DCDC1: variants seen among roughly 807,000 people sequenced by gnomAD.
DCDC1 encodes the protein doublecortin domain containing 1, also known as doublecortin domain-containing protein 1.
A neutral mutation model predicts 178.3 loss-of-function variants in DCDC1; 200 were observed. The observed-to-expected ratio is 1.12, with a 90% confidence interval of 1.00 to 1.26. The LOEUF (loss-of-function observed/expected upper bound fraction) is 1.26. Among genes scored for constraint, DCDC1 ranks in the 50% most tolerant of loss-of-function variants. The pLI is 0.00. For synonymous variants in DCDC1, 690 were observed against 604.8 expected, an observed-to-expected ratio of 1.14 and a Z score of -2.07; for missense variants, 1,983 against 1,749.2, an observed-to-expected ratio of 1.13 and a Z score of -2.38.
At chr11:31,327,888 C>T (rs753926859) in intron 3 of DCDC1, among the ~76,000 whole-genome samples, 20 of 151,820 alleles carry the variant, frequency 1.3e-4, no homozygotes, top group Non-Finnish European at 2.1e-4. Context: ...TGACCATGTC[C>T]GGCTAATTTT....
intron 8 of DCDC1, among the ~76,000 whole-genome samples, chr11:31,249,701 C>T (rs1233371929): frequency 2.0e-5 from 3 of 152,060 alleles, no homozygotes; most frequent in Non-Finnish European, 2.9e-5. Flanking sequence ...TTAATTATTG[C>T]CAGCACTTAG....
At chr11:31,070,150 AC>A (rs1336532052) in intron 18 of DCDC1, among the ~76,000 whole-genome samples, 1 of 152,146 alleles carries the variant, frequency 6.6e-6, no homozygotes, top group Non-Finnish European at 1.5e-5. Flanking sequence ...ATACTTTAAT[AC>A]CACAGTTATT....
At chr11:31,277,393 A>C (rs1040742745) in intron 7 of DCDC1, among the ~76,000 whole-genome samples, 7 of 152,154 alleles carry the variant, frequency 4.6e-5, no homozygotes, top group Admixed American at 1.3e-4. Flanking sequence ...ACATTCACTT[A>C]GAAGTTTTTG....
chr11:31,099,801 C>A (rs1229153322), intron 15 of DCDC1, among the ~76,000 whole-genome samples: 1 of 151,352 alleles, frequency 6.6e-6, no homozygotes, highest in Admixed American at 6.6e-5. Context: ...TCACTACAAC[C>A]TCTGCTTCCC....
chr11:31,128,414 A>G (rs185474375), intron 10 of DCDC1, among the ~76,000 whole-genome samples: 95 of 152,234 alleles, frequency 6.2e-4, no homozygotes, highest in African/African-American at 2.2e-3. Context: ...TTTCACCCAT[A>G]TAGTTTACAA....
intron 20 of DCDC1, among the ~76,000 whole-genome samples, chr11:31,019,178 T>A (rs1038703341): frequency 2.6e-5 from 4 of 152,088 alleles, no homozygotes; most frequent in African/African-American, 9.7e-5. Flanking sequence ...CTCAGTGGGT[T>A]TTGCAGTTTT....
intron 38 of DCDC1, among the ~76,000 whole-genome samples, chr11:30,872,253 T>G (rs1941654222): frequency 6.6e-6 from 1 of 152,058 alleles, no homozygotes; most frequent in Non-Finnish European, 1.5e-5. Flanking sequence ...TGTTGTTTTG[T>G]TTTGTTTTTT....
intron 25 of DCDC1, among the ~76,000 whole-genome samples, chr11:30,919,296 G>T (rs759419304): frequency 2.6e-4 from 39 of 152,080 alleles, no homozygotes; most frequent in Non-Finnish European, 5.0e-4. Context: ...GTTAGAATGG[G>T]CCTCCTTGAA....
chr11:30,977,434 A>C (rs558293977), intron 20 of DCDC1, among the ~76,000 whole-genome samples: 52 of 152,366 alleles, frequency 3.4e-4, no homozygotes, highest in Non-Finnish European at 7.3e-4. Context: ...AATCACATGT[A>C]CTTCATAAAT....
At chr11:30,967,920 A>G (rs78905168) in intron 20 of DCDC1, among the ~76,000 whole-genome samples, 1 of 152,172 alleles carries the variant, frequency 6.6e-6, no homozygotes, top group Non-Finnish European at 1.5e-5. Context: ...GAGAAAAAAA[A>G]TGATGAGGTA....
intron 7 of DCDC1, among the ~76,000 whole-genome samples, chr11:31,281,734 T>C (rs1483397427): frequency 2.6e-5 from 4 of 152,152 alleles, no homozygotes; most frequent in Non-Finnish European, 4.4e-5. Flanking sequence ...CAAGACCTGA[T>C]GGTTTGATAA....
At chr11:31,186,915 C>T (rs1969569416) in intron 9 of DCDC1, among the ~76,000 whole-genome samples, 2 of 152,202 alleles carry the variant, frequency 1.3e-5, no homozygotes. Context: ...TTTCCCTCCT[C>T]TGCCTCTCCC....
At chr11:31,052,198 G>A (rs985713527) in intron 20 of DCDC1, among the ~76,000 whole-genome samples, 3 of 152,162 alleles carry the variant, frequency 2.0e-5, no homozygotes, top group Non-Finnish European at 4.4e-5. Flanking sequence ...AGAAGGGGTA[G>A]CTATTCTTGT....
chr11:31,270,083 C>T (rs2137155707), intron 7 of DCDC1, among the ~76,000 whole-genome samples: 1 of 152,332 alleles, frequency 6.6e-6, no homozygotes, highest in South Asian at 2.1e-4. Context: ...CCAACTTACA[C>T]TTCCCCAACA....
chr11:30,893,132 T>C lies in DCDC1; in HGVS notation c.4903-135A>G, dbSNP rs139655298. 3,066 of 890,632 alleles carry C rather than the reference T, an allele frequency of 3.4e-3. 7 individuals are homozygous for C. The highest frequency in any genetic ancestry group is 8.5e-3 in the Middle Eastern group (24 of 2,816). The allele number at this position is 890,632 out of a possible 1,614,324, so 55.2% of individuals were successfully genotyped here. A position where few individuals can be genotyped will look rare whatever the true frequency, so the allele number is the denominator to read the frequency against. The stretch of plus-strand genomic sequence containing the variant: ...AAAATTTTAGGAAGTAACTATTAAG[T>C]ACATTAGCCTCTCTTGTCACTGACT... On this transcript the variant is annotated intron_variant, in intron 35 of 38. Transcript: ENST00000684477.
chr11:31,099,532 T>A (rs184838857), intron 15 of DCDC1, among the ~76,000 whole-genome samples: 1 of 152,158 alleles, frequency 6.6e-6, no homozygotes, highest in Non-Finnish European at 1.5e-5. Flanking sequence ...TGGAGCCTAG[T>A]TGATTTTGAG....
intron 24 of DCDC1, 79 bp downstream of exon 24, chr11:30,922,424 C>A: frequency 7.1e-7 from 1 of 1,401,152 alleles, no homozygotes; most frequent in South Asian, 1.9e-5. Context: ...TTTAAACAAA[C>A]TTTGACTTTT....
chr11:30,883,313 G>A (rs1371821925), intron 36 of DCDC1: 1 of 205,688 alleles, frequency 4.9e-6, no homozygotes, highest in Non-Finnish European at 1.0e-5. Context: ...GATCTCACAG[G>A]ATACAGAAAA....
At chr11:31,013,136 C>T (rs932646875) in intron 20 of DCDC1, among the ~76,000 whole-genome samples, 1 of 152,290 alleles carries the variant, frequency 6.6e-6, no homozygotes, top group Admixed American at 6.5e-5. Flanking sequence ...AACAAACCCA[C>T]CAGATCTTTC....
Sources: allele counts gnomAD v4.1 joint callset (sites outside exome capture counted in the v4.1 genomes callset), GRCh38; gene constraint gnomAD v4.1.1; transcripts MANE v1.5; gene names NCBI Gene and HGNC (gene_info 2026-07-23, HGNC 2026-07-21).